The following EYA2 variants were observed in gnomAD, a reference collection of about 807,000 sequenced individuals.
EYA2 encodes the protein protein phosphatase EYA2.
A neutral mutation model predicts 69.2 loss-of-function variants in EYA2; 31 were observed. That is an observed-to-expected ratio of 0.45 (90% confidence interval 0.34 to 0.60). The LOEUF (loss-of-function observed/expected upper bound fraction) is 0.60, where lower values mean the gene tolerates loss of function less well. Among genes scored for constraint, EYA2 ranks in the 20% least tolerant of loss-of-function variants. The pLI, the probability that EYA2 is intolerant of heterozygous loss-of-function variation, is 0.02. For missense variants in EYA2, 622 were observed against 701.2 expected, an observed-to-expected ratio of 0.89 and a Z score of 1.28; for synonymous variants, 257 against 279.4, an observed-to-expected ratio of 0.92 and a Z score of 0.80.
chr20:46,924,896 T>C (rs756537216), intron 1 of EYA2, among the ~76,000 whole-genome samples: 6 of 152,272 alleles, frequency 3.9e-5, no homozygotes, highest in Non-Finnish European at 5.9e-5. Context: ...ACAGCAAACT[T>C]GGTGACTTTA....
chr20:47,041,207 TC>T (rs1449618916), intron 5 of EYA2, among the ~76,000 whole-genome samples: 2 of 152,192 alleles, frequency 1.3e-5, no homozygotes, highest in Non-Finnish European at 2.9e-5. Flanking sequence ...AACCCTCTGA[TC>T]CTAAGGAAAT....
chr20:47,109,743 A>G (rs959980996), intron 9 of EYA2, among the ~76,000 whole-genome samples: 4 of 152,108 alleles, frequency 2.6e-5, no homozygotes, highest in African/African-American at 9.7e-5. Flanking sequence ...CTCTAACACA[A>G]TAGTTTTTAA....
chr20:47,166,626 C>G (rs2034203007), intron 10 of EYA2, among the ~76,000 whole-genome samples: 1 of 151,854 alleles, frequency 6.6e-6, no homozygotes, highest in African/African-American at 2.4e-5. Context: ...CGAGAAATCA[C>G]CTTGCAACTA....
intron 1 of EYA2, among the ~76,000 whole-genome samples, chr20:46,927,998 T>A (rs1200999499): frequency 6.6e-6 from 1 of 152,198 alleles, no homozygotes; most frequent in Non-Finnish European, 1.5e-5. Context: ...TCATGTAGCA[T>A]TTACTATGCT....
chr20:47,069,845 T>A (rs540705418), intron 5 of EYA2, among the ~76,000 whole-genome samples: 2 of 136,256 alleles, frequency 1.5e-5, no homozygotes, highest in South Asian at 4.5e-4. Flanking sequence ...TATACACACA[T>A]ATACATACAT....
intron 9 of EYA2, among the ~76,000 whole-genome samples, chr20:47,135,662 A>G (rs1292385086): frequency 6.6e-6 from 1 of 151,684 alleles, no homozygotes; most frequent in African/African-American, 2.4e-5. Context: ...TGAATTGAAC[A>G]CATTTTAGAG....
chr20:47,120,454 T>C (rs1022397462), intron 9 of EYA2, among the ~76,000 whole-genome samples: 4 of 152,204 alleles, frequency 2.6e-5, no homozygotes, highest in African/African-American at 9.7e-5. Flanking sequence ...TCTCCTTGGG[T>C]AGTCACGTTT....
intron 1 of EYA2, among the ~76,000 whole-genome samples, chr20:46,934,208 G>A (rs1600557594): frequency 6.6e-6 from 1 of 152,160 alleles, no homozygotes; most frequent in Non-Finnish European, 1.5e-5. Context: ...AGACTTAATT[G>A]GCTCATGAAA....
intron 4 of EYA2, among the ~76,000 whole-genome samples, chr20:47,007,946 C>G (rs1982822379): frequency 6.6e-6 from 1 of 152,128 alleles, no homozygotes; most frequent in Non-Finnish European, 1.5e-5. Context: ...AAAGATCACA[C>G]TGGCTGCTGT....
chr20:46,918,469 C>A (rs371947360), intron 1 of EYA2, among the ~76,000 whole-genome samples: 1 of 152,076 alleles, frequency 6.6e-6, no homozygotes, highest in South Asian at 2.1e-4. Context: ...TCACCACGCC[C>A]GGCTATTTTT....
At chr20:46,989,489 G>C (rs1022643764) in intron 1 of EYA2, among the ~76,000 whole-genome samples, 2 of 152,058 alleles carry the variant, frequency 1.3e-5, no homozygotes, top group African/African-American at 4.8e-5. Flanking sequence ...GGATGGTCTC[G>C]ATCTCTTGAC....
chr20:47,012,521 TCTCA>T, intron 4 of EYA2, among the ~76,000 whole-genome samples: 1 of 152,308 alleles, frequency 6.6e-6, no homozygotes, highest in South Asian at 2.1e-4. Flanking sequence ...TGAGATGAAG[TCTCA>T]CTCTTTAGCC....
At chr20:47,071,453 AC>A (rs1410206341) in intron 5 of EYA2, among the ~76,000 whole-genome samples, 1 of 152,144 alleles carries the variant, frequency 6.6e-6, no homozygotes, top group African/African-American at 2.4e-5. Context: ...TGGCACAGCC[AC>A]TTTGGAAAAC....
At chr20:47,046,871 T>A (rs1318028878) in intron 5 of EYA2, among the ~76,000 whole-genome samples, 1 of 152,170 alleles carries the variant, frequency 6.6e-6, no homozygotes, top group African/African-American at 2.4e-5. Flanking sequence ...CAAGCACAAC[T>A]CTTACTGCAG....
intron 5 of EYA2, among the ~76,000 whole-genome samples, chr20:47,036,515 A>G (rs879329405): frequency 4.6e-5 from 7 of 152,206 alleles, no homozygotes; most frequent in Non-Finnish European, 1.0e-4. Flanking sequence ...ATTTGGCAAT[A>G]CAGGGACTGT....
At chr20:47,162,981 A>G (rs759138337) in intron 10 of EYA2, among the ~76,000 whole-genome samples, 3 of 151,772 alleles carry the variant, frequency 2.0e-5, no homozygotes, top group Admixed American at 1.3e-4. Context: ...TAAAAATCTC[A>G]TATTTTAATG....
chr20:46,981,531 A>G (rs1980832393), intron 1 of EYA2, among the ~76,000 whole-genome samples: 1 of 152,174 alleles, frequency 6.6e-6, no homozygotes, highest in Non-Finnish European at 1.5e-5. Flanking sequence ...TTTGATTGCT[A>G]TAGGTATTTT....
chr20:47,026,255 A>C (rs1449037442), intron 5 of EYA2, among the ~76,000 whole-genome samples: 1 of 152,224 alleles, frequency 6.6e-6, no homozygotes, highest in African/African-American at 2.4e-5. Flanking sequence ...ATCCATTCCT[A>C]CTACCAGAAA....
At chr20:47,169,060 GAGGCCAACCCTTGA>G in intron 10 of EYA2, 65 bp from the exon 11 acceptor site, 1 of 1,392,600 alleles carries the variant, frequency 7.2e-7, no homozygotes, top group Non-Finnish European at 1.0e-6. Context: ...CTCAGCTTAT[GAGGCCAACCCTTGA>G]AGGCTACATC....
Sources: allele counts gnomAD v4.1 joint callset (sites outside exome capture counted in the v4.1 genomes callset), GRCh38; gene constraint gnomAD v4.1.1; transcripts MANE v1.5; gene names NCBI Gene and HGNC (gene_info 2026-07-23, HGNC 2026-07-21).